SLAIN2: variants seen among roughly 807,000 people sequenced by gnomAD.
SLAIN2 encodes SLAIN family member 2.
In SLAIN2, 31 loss-of-function variants were observed where a neutral mutation model predicts 56.6. The observed-to-expected ratio is 0.55, with a 90% CI of 0.41 to 0.74. SLAIN2 has a LOEUF of 0.74. Among genes scored for constraint, SLAIN2 ranks in the 30% least tolerant of loss-of-function variants. The pLI, the probability that SLAIN2 is intolerant of heterozygous loss-of-function variation, is 0.00. For synonymous variants in SLAIN2, 317 were observed against 284.9 expected (o/e 1.11, Z -1.13); for missense variants, 777 against 754.2 (o/e 1.03, Z -0.35).
chr4:48,425,493 A>G lies in SLAIN2; in HGVS notation c.*3416A>G, dbSNP rs1478510610. 1 of 152,118 alleles carries G rather than the reference A, an allele frequency of 6.6e-6. No individual in the cohort carries two copies. The highest frequency in any genetic ancestry group is 1.5e-5 in the Non-Finnish European group (1 of 67,984). The allele number at this position is 152,118 out of a possible 1,614,324, so 9.4% of individuals were successfully genotyped here. On this transcript the variant is annotated 3_prime_UTR_variant, in exon 8 of 8. Coordinates refer to ENST00000264313, the MANE Select transcript of SLAIN2 (RefSeq NM_020846.2). ...AAAATCAAGAATTGTACACTGTTTA[A>G]TGAGTTCTCCATATTCCTTTAGGAG...
At chr4:48,370,118 C>CAT in intron 2 of SLAIN2, 121 bp downstream of exon 2, 1 of 949,258 alleles carries the variant, frequency 1.1e-6, no homozygotes, top group Non-Finnish European at 1.5e-6. Flanking sequence ...TCTCATTGTT[C>CAT]ATATCATCAT....
At chr4:48,390,798 T>A (rs185294018) in intron 6 of SLAIN2, among the ~76,000 whole-genome samples, 2 of 152,352 alleles carry the variant, frequency 1.3e-5, no homozygotes, top group East Asian at 3.9e-4. Context: ...AATTGATCTT[T>A]CGATATTGGG....
At chr4:48,371,641 C>A (rs151335237) in intron 2 of SLAIN2, among the ~76,000 whole-genome samples, 6 of 151,806 alleles carry the variant, frequency 4.0e-5, no homozygotes, top group Non-Finnish European at 5.9e-5. Context: ...ATAGAAGGAG[C>A]ATGATTGAAA....
intron 1 of SLAIN2, among the ~76,000 whole-genome samples, chr4:48,345,267 T>G (rs1467552841): frequency 1.3e-5 from 2 of 152,228 alleles, no homozygotes; most frequent in African/African-American, 4.8e-5. Context: ...CTGCTGACCC[T>G]TTCTCCCTGC....
At chr4:48,395,238 G>A (rs1716345962) in intron 6 of SLAIN2, among the ~76,000 whole-genome samples, 1 of 152,088 alleles carries the variant, frequency 6.6e-6, no homozygotes, top group African/African-American at 2.4e-5. Context: ...AGAATTAAGA[G>A]AAAACAGTGG....
At chr4:48,394,604 C>A (rs1229170353) in intron 6 of SLAIN2, 24 of 1,535,840 alleles carry the variant, frequency 1.6e-5, no homozygotes, top group Non-Finnish European at 1.7e-5. Flanking sequence ...ATTTGCCTCG[C>A]ACTTCCCTCA....
chr4:48,376,978 C>T (rs1429474644), intron 2 of SLAIN2, among the ~76,000 whole-genome samples: 4 of 134,524 alleles, frequency 3.0e-5, no homozygotes, highest in East Asian at 4.4e-4. Flanking sequence ...TAATAATAGT[C>T]GGTATTGCTT....
At chr4:48,372,443 G>T (rs1207604149) in intron 2 of SLAIN2, among the ~76,000 whole-genome samples, 1 of 152,188 alleles carries the variant, frequency 6.6e-6, no homozygotes, top group Non-Finnish European at 1.5e-5. Context: ...GAGTGGGCAT[G>T]GCTGTGTTCC....
At chr4:48,357,875 CTT>C (rs2109741307) in intron 1 of SLAIN2, among the ~76,000 whole-genome samples, 1 of 152,076 alleles carries the variant, frequency 6.6e-6, no homozygotes, top group Admixed American at 6.5e-5. Context: ...TTTTAAAAAA[CTT>C]TTGTAGAGAC....
At chr4:48,409,339 G>T (rs1448670950) in intron 6 of SLAIN2, among the ~76,000 whole-genome samples, 1 of 152,040 alleles carries the variant, frequency 6.6e-6, no homozygotes, top group Admixed American at 6.6e-5. Context: ...CCTGCCATCA[G>T]CTATTCCATA....
intron 6 of SLAIN2, among the ~76,000 whole-genome samples, chr4:48,401,394 A>G (rs1412674175): frequency 6.6e-6 from 1 of 152,112 alleles, no homozygotes; most frequent in Non-Finnish European, 1.5e-5. Context: ...TCTCACTATT[A>G]TTGTGTGGGA....
chr4:48,342,983 A>G (rs577805785), intron 1 of SLAIN2, among the ~76,000 whole-genome samples: 21 of 152,296 alleles, frequency 1.4e-4, no homozygotes, highest in African/African-American at 5.1e-4. Context: ...TAAATAGGAC[A>G]TGGGAGGCTT....
chr4:48,362,767 A>T (rs865971931), intron 1 of SLAIN2, among the ~76,000 whole-genome samples: 4,664 of 87,004 alleles, frequency 0.054, 119 homozygotes, highest in African/African-American at 0.09. Flanking sequence ...TTTTTTTTTT[A>T]AATTTATTTT....
chr4:48,401,249 CTGT>C (rs1343239119), intron 6 of SLAIN2, among the ~76,000 whole-genome samples: 4 of 152,096 alleles, frequency 2.6e-5, no homozygotes, highest in African/African-American at 9.7e-5. Context: ...AACGTATATT[CTGT>C]TGTTTTTGTT....
At chr4:48,388,970 G>A (rs1716166305) in intron 6 of SLAIN2, among the ~76,000 whole-genome samples, 1 of 152,144 alleles carries the variant, frequency 6.6e-6, no homozygotes, top group African/African-American at 2.4e-5. Context: ...GACTGTCCAG[G>A]GCAGTTGTCA....
chr4:48,399,153 A>G (rs1716484656), intron 6 of SLAIN2, among the ~76,000 whole-genome samples: 1 of 152,034 alleles, frequency 6.6e-6, no homozygotes, highest in East Asian at 1.9e-4. Flanking sequence ...ATGTTTTTCC[A>G]TTTGTTTGTT....
intron 1 of SLAIN2, among the ~76,000 whole-genome samples, chr4:48,346,406 G>C (rs1714866657): frequency 6.6e-6 from 1 of 151,878 alleles, no homozygotes; most frequent in Admixed American, 6.6e-5. Context: ...ATTTATCTTA[G>C]GTTTATGAAG....
At chr4:48,363,979 C>A (rs1371500782) in intron 1 of SLAIN2, among the ~76,000 whole-genome samples, 6 of 128,376 alleles carry the variant, frequency 4.7e-5, no homozygotes, top group African/African-American at 5.6e-5. Context: ...GGGGCTGACC[C>A]CCCCCACCTC....
chr4:48,341,970 C>G lies in SLAIN2; in HGVS notation c.231C>G (p.Gly77=), dbSNP rs1714718800. The G allele has an allele frequency of 7.0e-7, 1 of 1,438,320 alleles. No homozygotes were observed. The highest frequency in any genetic ancestry group is 9.1e-7 in the Non-Finnish European group (1 of 1,101,804). 89.1% of individuals were successfully genotyped at this position (1,438,320 alleles called of 1,614,324 possible). The part of the protein sequence containing the change: ...FPLGLSAKSG[G]GPGSGPRRTS... ...TGGGCCTCAGCGCCAAGTCGGGCGG[C>G]GGGCCCGGGTCGGGCCCGAGGCGGA... is the stretch of plus-strand genomic sequence containing the variant. The change falls in exon 1 of 8, where the codon GGC becomes GGG. Residue 77 remains glycine (G), a synonymous_variant. Transcript: ENST00000264313.
Sources: allele counts gnomAD v4.1 joint callset (sites outside exome capture counted in the v4.1 genomes callset), GRCh38; gene constraint gnomAD v4.1.1; transcripts MANE v1.5; gene names NCBI Gene and HGNC (gene_info 2026-07-23, HGNC 2026-07-21).